The following PLA2R1 variants were observed in gnomAD, a reference collection of about 807,000 sequenced individuals.
PLA2R1 encodes the protein phospholipase A2 receptor 1.
Under a neutral mutation model 195.9 loss-of-function variants are expected in PLA2R1, and 158 were observed. That is an observed-to-expected ratio of 0.81 (90% confidence interval 0.71 to 0.92). The LOEUF (loss-of-function observed/expected upper bound fraction) is 0.92, where lower values mean the gene tolerates loss of function less well. Among genes scored for constraint, PLA2R1 ranks in the 40% least tolerant of loss-of-function variants. The pLI is 0.00. For synonymous variants in PLA2R1, 586 were observed against 598.2 expected, an observed-to-expected ratio of 0.98 and a Z score of 0.30; for missense variants, 1,626 against 1,764.6, an observed-to-expected ratio of 0.92 and a Z score of 1.41.
At chr2:160,022,232 G>T (rs913786849) in intron 7 of PLA2R1, among the ~76,000 whole-genome samples, 1 of 152,084 alleles carries the variant, frequency 6.6e-6, no homozygotes, top group African/African-American at 2.4e-5. Context: ...GGAACAGTCT[G>T]AACATCACCT....
chr2:160,051,786 C>A (rs1695227878), intron 1 of PLA2R1, among the ~76,000 whole-genome samples: 1 of 152,166 alleles, frequency 6.6e-6, no homozygotes, highest in Non-Finnish European at 1.5e-5. Flanking sequence ...GTGCATGGTT[C>A]TTCAAAGAAG....
intron 23 of PLA2R1, among the ~76,000 whole-genome samples, chr2:159,952,303 G>A (rs778024466): frequency 7.9e-5 from 12 of 152,152 alleles, no homozygotes; most frequent in Non-Finnish European, 1.5e-4. Flanking sequence ...TTATGAACAC[G>A]TGTTTCCTCT....
rs1695323447 is a variant in PLA2R1 at position 160,053,227 on chromosome 2, C to T, written c.110-8070G>A. Reference sequence around the variant, plus strand: ...TATGCATATTTCTGTGTCCAAGTTTCCCCTTCTTATGAGTATACCAGTCAT... The same window carrying T: ...TATGCATATTTCTGTGTCCAAGTTTTCCCTTCTTATGAGTATACCAGTCAT... On this transcript the variant is annotated intron_variant, in intron 1 of 29. Transcript: ENST00000283243. Among the ~76,000 whole-genome samples, 4 of 152,076 alleles carry T rather than the reference C, an allele frequency of 2.6e-5. No homozygotes were observed. In the South Asian group the frequency reaches 8.3e-4, roughly 32 times the overall value.
At chr2:159,929,034 G>T (rs1423553859), downstream of PLA2R1, among the ~76,000 whole-genome samples, 1 of 152,200 alleles carries the variant, frequency 6.6e-6, no homozygotes, top group East Asian at 1.9e-4. Context: ...TCTAAGACTT[G>T]AAACCATAAA....
chr2:160,029,107 G>A, intron 4 of PLA2R1, 144 bp from the exon 5 acceptor site: 2 of 619,222 alleles, frequency 3.2e-6, no homozygotes, highest in Middle Eastern at 2.7e-4. Context: ...GCTTCTGAGT[G>A]ATAAAGCAGG....
downstream of PLA2R1, among the ~76,000 whole-genome samples, chr2:159,928,109 G>T (rs1364434242): frequency 6.6e-6 from 1 of 152,170 alleles, no homozygotes; most frequent in Non-Finnish European, 1.5e-5. Flanking sequence ...CTGGTTTCAA[G>T]CCACAGAAAC....
At position 159,955,351 on chromosome 2, in the gene PLA2R1, A is replaced by G. The variant is rs763938032; in HGVS notation, c.3154-5T>C. 1.3e-6 allele frequency: 2 copies of G among 1,564,938 alleles called. No individual in the cohort carries two copies. Among genetic ancestry groups the G allele is most frequent in the Admixed American group, 3.4e-5 (2 of 58,388 alleles). Reference sequence around the variant, plus strand: ...AGTGGTATTGTGACTTGGAATCTTTAAAATAATACACGTTATCAAAAGTAT... The same window carrying G: ...AGTGGTATTGTGACTTGGAATCTTTGAAATAATACACGTTATCAAAAGTAT... On this transcript the variant is annotated splice_polypyrimidine_tract_variant and splice_region_variant and intron_variant, in intron 22 of 29. Coordinates refer to ENST00000283243, the MANE Select transcript of PLA2R1 (RefSeq NM_007366.5).
chr2:160,019,693 C>T (rs1692981090), intron 8 of PLA2R1, among the ~76,000 whole-genome samples: 1 of 152,198 alleles, frequency 6.6e-6, no homozygotes, highest in South Asian at 2.1e-4. Context: ...ACGACCTCCT[C>T]ACCACTGGTC....
chr2:160,059,708 T>C (rs558810506), intron 1 of PLA2R1, among the ~76,000 whole-genome samples: 10 of 152,336 alleles, frequency 6.6e-5, no homozygotes, highest in African/African-American at 2.4e-4. Context: ...AGAGGTTTAG[T>C]TGGACTCACA....
In PLA2R1 at chr2:159,947,419, C is replaced by T. The variant is rs1450555681; in HGVS notation, c.3850G>A (p.Gly1284Ser). The T allele has an allele frequency of 3.8e-6, 6 of 1,593,762 alleles. No homozygotes were observed. The highest frequency in any genetic ancestry group is 5.1e-6 in the Non-Finnish European group (6 of 1,173,010). The change falls in exon 26 of 30, where the codon GGT becomes AGT. Residue 1284 changes from glycine (G) to serine (S), a missense_variant and splice_region_variant. Physicochemically the swap from Gly to Ser is moderately conservative, Grantham distance 56 (BLOSUM62 0). Transcript: ENST00000283243. ...TTTTTACCATCACAAAAACAATTAC[C>T]TTCCTTTTTGCAAAATTCATGAGCA... ...EAAHEFCKKE[G>S]SNLLTIKDEA... is the part of the protein sequence containing the mutation.
At chr2:159,955,479 C>G in intron 22 of PLA2R1, 133 bp from the exon 23 acceptor site, 1 of 575,134 alleles carries the variant, frequency 1.7e-6, no homozygotes, top group Non-Finnish European at 2.9e-6. Context: ...AACTTATTCA[C>G]AAGTCATTTC....
intron 20 of PLA2R1, among the ~76,000 whole-genome samples, chr2:159,965,288 TCTTCCACAA>T (rs1688712961): frequency 1.3e-5 from 2 of 152,196 alleles, no homozygotes; most frequent in Admixed American, 6.5e-5. Flanking sequence ...GCCCTAAGAA[TCTTCCACAA>T]CTTCATCCTT....
chr2:160,061,356 G>A (rs757073490), intron 1 of PLA2R1, among the ~76,000 whole-genome samples: 1 of 152,314 alleles, frequency 6.6e-6, no homozygotes, highest in East Asian at 1.9e-4. Context: ...AGTCTCATGT[G>A]TAGTAGGTGC....
chr2:159,991,399 C>T (rs1229765316), intron 11 of PLA2R1, among the ~76,000 whole-genome samples: 1 of 149,468 alleles, frequency 6.7e-6, no homozygotes, highest in Admixed American at 6.6e-5. Context: ...TCTCTAGTGT[C>T]TACTGATGGG....
At chr2:159,960,793 C>A (rs1688388073) in intron 20 of PLA2R1, among the ~76,000 whole-genome samples, 1 of 152,164 alleles carries the variant, frequency 6.6e-6, no homozygotes, top group Admixed American at 6.6e-5. Flanking sequence ...CTGTGTATCT[C>A]AGTTTTAAAA....
chr2:159,955,896 T>C (rs1272475664), intron 21 of PLA2R1, 68 bp from the exon 22 acceptor site: 6 of 874,126 alleles, frequency 6.9e-6, no homozygotes, highest in Non-Finnish European at 8.9e-6. Context: ...CTGCATCCTA[T>C]TTATAGCTAT....
chr2:159,964,207 A>G (rs1688637318), intron 20 of PLA2R1, among the ~76,000 whole-genome samples: 1 of 152,234 alleles, frequency 6.6e-6, no homozygotes, highest in Non-Finnish European at 1.5e-5. Context: ...ACAGGGATAG[A>G]GAATAGATTA....
At chr2:160,057,253 A>G (rs934463499) in intron 1 of PLA2R1, among the ~76,000 whole-genome samples, 5 of 152,188 alleles carry the variant, frequency 3.3e-5, no homozygotes, top group Non-Finnish European at 5.9e-5. Flanking sequence ...CCCCAGAGAC[A>G]GAGAGAAACA....
At chr2:159,988,849 G>A (rs1690547171) in intron 11 of PLA2R1, among the ~76,000 whole-genome samples, 1 of 152,192 alleles carries the variant, frequency 6.6e-6, no homozygotes, top group Admixed American at 6.5e-5. Flanking sequence ...GAGTGCAAAG[G>A]AGAAGAAAGA....
Sources: gnomAD v4.1 joint callset for allele counts (sites outside exome capture counted in the v4.1 genomes callset) on GRCh38, gnomAD v4.1.1 for gene constraint, MANE v1.5 for transcripts, NCBI Gene and HGNC (gene_info 2026-07-23, HGNC 2026-07-21) for gene names.